POPDC1: variants seen among roughly 807,000 people sequenced by gnomAD.
POPDC1 encodes popeye domain cAMP effector 1, also known as popeye domain-containing protein 1.
chr6:105,124,107 G>A, the POPDC1 span, among the ~76,000 whole-genome samples: 1 of 151,942 alleles, frequency 6.6e-6, no homozygotes, highest in East Asian at 1.9e-4. Context: ...TTTAGGCCAG[G>A]CGTGGTGGCT....
the POPDC1 span, chr6:105,100,550 ATGTATATATATATATATATGTATGTATG>A: frequency 1.3e-4 from 1 of 7,580 alleles, no homozygotes; most frequent in Admixed American, 1.8e-3. Flanking sequence ...ATGTATATAT[ATGTATATATATATATATATGTATGTATG>A]TATGTGTGTG....
chr6:105,132,478 T>C, the POPDC1 span, among the ~76,000 whole-genome samples: 1 of 152,282 alleles, frequency 6.6e-6, no homozygotes, highest in African/African-American at 2.4e-5. Context: ...CCCTGGATAA[T>C]GGGTGCACAC....
the POPDC1 span, among the ~76,000 whole-genome samples, chr6:105,105,219 T>C: frequency 6.6e-6 from 1 of 152,204 alleles, no homozygotes; most frequent in South Asian, 2.1e-4. Flanking sequence ...CATTGCCTTG[T>C]TGCTCTTTTT....
At chr6:105,100,964 C>T in the POPDC1 span, 39 of 1,161,380 alleles carry the variant, frequency 3.4e-5, no homozygotes, top group Non-Finnish European at 4.4e-5. Context: ...CTCACTTCCT[C>T]CCTCCGACTC....
At chr6:105,104,362 C>T in the POPDC1 span, among the ~76,000 whole-genome samples, 2 of 152,100 alleles carry the variant, frequency 1.3e-5, no homozygotes, top group South Asian at 2.1e-4. Context: ...AGAAAACAGG[C>T]ATCTTGAGTG....
chr6:105,133,862 T>C, the POPDC1 span, among the ~76,000 whole-genome samples: 2 of 152,122 alleles, frequency 1.3e-5, no homozygotes, highest in African/African-American at 2.4e-5. Context: ...TATTCCCTCA[T>C]AGGCACATAT....
At chr6:105,097,120 C>G in the POPDC1 span, 1 of 152,348 alleles carries the variant, frequency 6.6e-6, no homozygotes, top group East Asian at 1.9e-4. Context: ...ATTCGGGGGG[C>G]TCTGTGACAA....
chr6:105,126,564 T>C, the POPDC1 span, among the ~76,000 whole-genome samples: 1 of 152,248 alleles, frequency 6.6e-6, no homozygotes, highest in Non-Finnish European at 1.5e-5. Context: ...TGTCACAACA[T>C]TCATCTTCCC....
chr6:105,129,517 A>G, the POPDC1 span: 1 of 1,602,358 alleles, frequency 6.2e-7, no homozygotes, highest in African/African-American at 1.3e-5. Context: ...TTGAAGAGCA[A>G]AGTTAACACG....
chr6:105,118,778 A>C, the POPDC1 span, among the ~76,000 whole-genome samples: 1 of 152,222 alleles, frequency 6.6e-6, no homozygotes, highest in African/African-American at 2.4e-5. Context: ...ATCCTCAAAA[A>C]TCCGTTTAAA....
the POPDC1 span, chr6:105,101,335 C>G: frequency 1.9e-6 from 2 of 1,063,142 alleles, no homozygotes; most frequent in Non-Finnish European, 2.6e-6. Context: ...CTAGCAGCAC[C>G]AAGAACACAA....
chr6:105,100,334 C>A, the POPDC1 span: 3 of 151,594 alleles, frequency 2.0e-5, no homozygotes, highest in East Asian at 3.9e-4. Flanking sequence ...ACAGTGAAAC[C>A]CCATCTCTAC....
At chr6:105,108,927 A>C in the POPDC1 span, among the ~76,000 whole-genome samples, 1 of 152,226 alleles carries the variant, frequency 6.6e-6, no homozygotes, top group Non-Finnish European at 1.5e-5. Context: ...GAAGGGGAAG[A>C]ATAAGAAAGT....
the POPDC1 span, chr6:105,099,248 G>C: frequency 6.6e-6 from 1 of 152,164 alleles, no homozygotes; most frequent in Non-Finnish European, 1.5e-5. Context: ...TTCTCAATGA[G>C]TGACCGAGCA....
chr6:105,121,553 C>T, the POPDC1 span, among the ~76,000 whole-genome samples: 1 of 152,200 alleles, frequency 6.6e-6, no homozygotes. Flanking sequence ...CAGGTGTGGG[C>T]GGCCGCGCCT....
the POPDC1 span, chr6:105,116,691 G>A: frequency 5.8e-5 from 91 of 1,560,534 alleles, no homozygotes; most frequent in Non-Finnish European, 7.2e-5. Flanking sequence ...TAAACTCAGA[G>A]AACACTTACT....
At chr6:105,126,187 T>C in the POPDC1 span, among the ~76,000 whole-genome samples, 3 of 149,596 alleles carry the variant, frequency 2.0e-5, no homozygotes, top group South Asian at 2.1e-4. Flanking sequence ...GATTGCTCCA[T>C]TGCACTCTAG....
At chr6:105,123,381 T>C in the POPDC1 span, among the ~76,000 whole-genome samples, 2 of 151,700 alleles carry the variant, frequency 1.3e-5, no homozygotes, top group Non-Finnish European at 2.9e-5. Context: ...TGTCACATAA[T>C]GGAGCAATTT....
chr6:105,115,058 C>A, the POPDC1 span, among the ~76,000 whole-genome samples: 1 of 152,216 alleles, frequency 6.6e-6, no homozygotes, highest in Admixed American at 6.5e-5. Flanking sequence ...AAAATCAAAC[C>A]ATGTGGACTC....
Sources: allele counts gnomAD v4.1 joint callset (sites outside exome capture counted in the v4.1 genomes callset), GRCh38; gene constraint gnomAD v4.1.1; transcripts MANE v1.5; gene names NCBI Gene and HGNC (gene_info 2026-07-23, HGNC 2026-07-21).